The following RAB7B variants were observed in gnomAD, a reference collection of about 807,000 sequenced individuals.
RAB7B encodes ras-related protein Rab-7b.
chr1:205,985,791 G>GCC (rs1660590638), intron 4 of RAB7B, 126 bp from the exon 5 acceptor site: 2 of 277,476 alleles, frequency 7.2e-6, no homozygotes, highest in Non-Finnish European at 1.3e-5. Context: ...TCCCCACCAG[G>GCC]CCCACCATCC....
intron 5 of RAB7B, among the ~76,000 whole-genome samples, chr1:205,979,657 G>A (rs966803853): frequency 1.3e-5 from 2 of 152,122 alleles, no homozygotes; most frequent in African/African-American, 2.4e-5. Context: ...ATCTCTTCAC[G>A]CTGCTATGGC....
intron 5 of RAB7B, among the ~76,000 whole-genome samples, chr1:205,979,658 C>A (rs1004068320): frequency 1.3e-5 from 2 of 152,278 alleles, no homozygotes; most frequent in African/African-American, 4.8e-5. Context: ...TCTCTTCACG[C>A]TGCTATGGCC....
Position 206,003,242 on chromosome 1 carries a change from G to A in RAB7B, c.-17+11C>T, listed in dbSNP as rs1389477573. ...GACAGAAGCACTGAGACAAGCTCCCGGGGCACTTACAGCTGTGGCTGTGCA... is the reference window on the plus strand; with the variant it reads ...GACAGAAGCACTGAGACAAGCTCCCAGGGCACTTACAGCTGTGGCTGTGCA... On this transcript the variant is annotated intron_variant, in intron 1 of 5. Transcript: ENST00000617070. 2.6e-5 allele frequency: 4 copies of A among 152,366 alleles called. No individual in the cohort carries two copies. Among genetic ancestry groups the A allele is most frequent in the African/African-American group, 2.4e-5 (1 of 41,548 alleles). 9.4% of individuals were successfully genotyped at this position (152,366 alleles called of 1,614,324 possible).
At chr1:205,989,964 C>T (rs1660689367) in intron 4 of RAB7B, among the ~76,000 whole-genome samples, 1 of 152,128 alleles carries the variant, frequency 6.6e-6, no homozygotes, top group Non-Finnish European at 1.5e-5. Context: ...GTATTGGTTT[C>T]CTCCCTCTCA....
At chr1:205,993,370 G>C (rs1421977079) in intron 3 of RAB7B, 50 bp downstream of exon 3, 5 of 398,008 alleles carry the variant, frequency 1.3e-5, no homozygotes, top group Non-Finnish European at 1.8e-5. Context: ...CGGGCTTGGG[G>C]GGGATTTTCA....
chr1:205,997,089 T>G (rs2102643047), intron 1 of RAB7B, among the ~76,000 whole-genome samples: 1 of 152,102 alleles, frequency 6.6e-6, no homozygotes, highest in African/African-American at 2.4e-5. Flanking sequence ...GGACCTGGAG[T>G]TGGTGGCACT....
At chr1:205,987,830 A>G (rs935805332) in intron 4 of RAB7B, among the ~76,000 whole-genome samples, 3 of 152,260 alleles carry the variant, frequency 2.0e-5, no homozygotes, top group Admixed American at 6.5e-5. Context: ...TTCTGGCTAT[A>G]TATGCCTGTT....
At chr1:205,998,695 G>T (rs943019502) in intron 1 of RAB7B, among the ~76,000 whole-genome samples, 1 of 152,196 alleles carries the variant, frequency 6.6e-6, no homozygotes, top group African/African-American at 2.4e-5. Flanking sequence ...TACGTCTCAC[G>T]TTACAAGCTA....
Position 205,983,149 on chromosome 1 carries a change from T to C in RAB7B, c.522+2391A>G, listed in dbSNP as rs964820019. Reference sequence around the variant, plus strand: ...TTGGTGGCCTTGCTGGCTTCATCACTAACTATGTCCCCGTGCTCTGACATT... The same window carrying C: ...TTGGTGGCCTTGCTGGCTTCATCACCAACTATGTCCCCGTGCTCTGACATT... On this transcript the variant is annotated intron_variant, in intron 5 of 5. Coordinates refer to ENST00000617070, the MANE Select transcript of RAB7B (RefSeq NM_001164522.3). Among the ~76,000 whole-genome samples the C allele has an allele frequency of 7.3e-3, 1,110 of 152,268 alleles. 16 individuals carry two copies. Among genetic ancestry groups the C allele is most frequent in the African/African-American group, 0.025 (1,033 of 41,522 alleles).
At chr1:205,989,490 G>A (rs1364349244) in intron 4 of RAB7B, among the ~76,000 whole-genome samples, 1 of 151,904 alleles carries the variant, frequency 6.6e-6, no homozygotes, top group African/African-American at 2.4e-5. Context: ...CCCTCTATAC[G>A]CAGCCGCCAC....
chr1:205,996,216 C>A (rs1660811405), intron 1 of RAB7B, among the ~76,000 whole-genome samples: 1 of 148,162 alleles, frequency 6.7e-6, no homozygotes, highest in African/African-American at 2.5e-5. Context: ...TTGTAGGATA[C>A]ATGCTTAACT....
At chr1:206,002,374 G>A (rs1200348038) in intron 1 of RAB7B, among the ~76,000 whole-genome samples, 1 of 152,188 alleles carries the variant, frequency 6.6e-6, no homozygotes, top group Non-Finnish European at 1.5e-5. Context: ...GAAGGGCAGG[G>A]CTGTGCCTCA....
At chr1:205,985,144 TCG>T (rs1660567410) in intron 5 of RAB7B, among the ~76,000 whole-genome samples, 1 of 152,212 alleles carries the variant, frequency 6.6e-6, no homozygotes, top group African/African-American at 2.4e-5. Flanking sequence ...TGTCAGCAAC[TCG>T]TACAGGTTTG....
rs1380629772 is a variant in RAB7B at position 205,977,575 on chromosome 1, C to G, written c.*1276G>C. The G allele has an allele frequency of 6.6e-6, 1 of 152,196 alleles. No individual in the cohort carries two copies. Among genetic ancestry groups the G allele is most frequent in the African/African-American group, 2.4e-5 (1 of 41,442 alleles). The allele number at this position is 152,196 out of a possible 1,614,324, so 9.4% of individuals were successfully genotyped here. On this transcript the variant is annotated 3_prime_UTR_variant, in exon 6 of 6. Coordinates refer to ENST00000617070, the MANE Select transcript of RAB7B (RefSeq NM_001164522.3). ...CTGGAAGAGAAGGAGCACTGCTGCCCTCTGGTGGTCAGGCAGCAGAGCATC... is the reference window on the plus strand; with the variant it reads ...CTGGAAGAGAAGGAGCACTGCTGCCGTCTGGTGGTCAGGCAGCAGAGCATC...
chr1:205,994,379 A>G (rs1408534535), intron 1 of RAB7B: 13 of 317,266 alleles, frequency 4.1e-5, no homozygotes, highest in African/African-American at 2.1e-4. Flanking sequence ...TCTCCAGGAC[A>G]GGCAAATCTC....
At chr1:205,988,744 G>A (rs1660661979) in intron 4 of RAB7B, among the ~76,000 whole-genome samples, 1 of 152,178 alleles carries the variant, frequency 6.6e-6, no homozygotes, top group South Asian at 2.1e-4. Flanking sequence ...GGTCCAGGCT[G>A]CGGAGGCACA....
At chr1:205,988,680 T>TTA (rs1660660454) in intron 4 of RAB7B, among the ~76,000 whole-genome samples, 2 of 152,218 alleles carry the variant, frequency 1.3e-5, no homozygotes, top group Admixed American at 1.3e-4. Context: ...TTCCTATTAT[T>TTA]ACTCAGTCTC....
intron 1 of RAB7B, among the ~76,000 whole-genome samples, chr1:205,996,159 T>A (rs1660810350): frequency 1.3e-5 from 2 of 150,802 alleles, no homozygotes; most frequent in African/African-American, 4.9e-5. Flanking sequence ...TGTGTGTGTG[T>A]GTGTGTGTGT....
intron 1 of RAB7B, among the ~76,000 whole-genome samples, chr1:205,998,098 G>A (rs1464840804): frequency 6.6e-6 from 1 of 152,306 alleles, no homozygotes; most frequent in East Asian, 1.9e-4. Flanking sequence ...TCTCAAGCCT[G>A]TAATCCCAGC....
Sources: allele counts gnomAD v4.1 joint callset (sites outside exome capture counted in the v4.1 genomes callset), GRCh38; gene constraint gnomAD v4.1.1; transcripts MANE v1.5; gene names NCBI Gene and HGNC (gene_info 2026-07-23, HGNC 2026-07-21).